The following SPHKAP variants were observed in gnomAD, a reference collection of about 807,000 sequenced individuals.
SPHKAP encodes the protein SPHK1 interactor, AKAP domain containing.
SPHKAP carries 67 observed loss-of-function variants against 137.5 expected under a neutral mutation model. The observed-to-expected ratio is 0.49, with a 90% confidence interval of 0.40 to 0.60. The LOEUF (loss-of-function observed/expected upper bound fraction) is 0.60. Among genes scored for constraint, SPHKAP ranks in the 20% least tolerant of loss-of-function variants. The pLI is 0.00. For synonymous variants in SPHKAP, 813 were observed against 785.3 expected (o/e 1.04, Z -0.59); for missense variants, 2,097 against 2,069.3 (o/e 1.01, Z -0.26).
chr2:228,093,826 C>CT (rs1697889959), intron 3 of SPHKAP, among the ~76,000 whole-genome samples: 1 of 128,988 alleles, frequency 7.8e-6, no homozygotes, highest in Non-Finnish European at 1.6e-5. Context: ...CTCCATTGCA[C>CT]TCCAGCCTGG....
Position 228,016,641 on chromosome 2 carries a change from T to A in SPHKAP, c.4213A>T (p.Thr1405Ser). 6.2e-7 allele frequency: 1 copy of A among 1,613,620 alleles called. No homozygotes were observed. The highest frequency in any genetic ancestry group is 8.5e-7 in the Non-Finnish European group (1 of 1,179,914). ...NHSPLDSKKETSSCQDPVPIN... is the reference protein window; with the variant it reads ...NHSPLDSKKESSSCQDPVPIN... ...GGTACAGGGTCCTGGCACGAGGAAG[T>A]TTCTTTTTTAGAATCTAAAGGGCTG... Residue 1405 changes from threonine (T) to serine (S), a missense_variant, in exon 7 of 12, where the codon ACT becomes TCT. By Grantham distance (58) the Thr-to-Ser change is moderately conservative. Coordinates refer to ENST00000392056, the MANE Select transcript of SPHKAP (RefSeq NM_001142644.2).
chr2:227,991,408 T>A (rs1693410500), intron 9 of SPHKAP, 82 bp from the exon 10 acceptor site: 1 of 1,607,688 alleles, frequency 6.2e-7, no homozygotes, highest in African/African-American at 1.3e-5. Context: ...TGGGTCTTAC[T>A]GATCTAAAAG....
intron 3 of SPHKAP, among the ~76,000 whole-genome samples, chr2:228,054,456 T>C (rs1696368087): frequency 6.6e-6 from 1 of 152,044 alleles, no homozygotes; most frequent in Non-Finnish European, 1.5e-5. Context: ...AATAGAAGTA[T>C]AGAATAACAT....
At chr2:228,123,314 C>T (rs1259984245) in intron 2 of SPHKAP, among the ~76,000 whole-genome samples, 2 of 152,188 alleles carry the variant, frequency 1.3e-5, no homozygotes, top group African/African-American at 4.8e-5. Flanking sequence ...TTTGCAAAAA[C>T]TGGCTAGGCC....
At chr2:228,170,733 T>C (rs1700561178) in intron 1 of SPHKAP, among the ~76,000 whole-genome samples, 1 of 152,118 alleles carries the variant, frequency 6.6e-6, no homozygotes, top group Non-Finnish European at 1.5e-5. Flanking sequence ...TTGAATCCCT[T>C]GGAAAACCAA....
intron 7 of SPHKAP, among the ~76,000 whole-genome samples, chr2:228,000,778 C>A (rs935042924): frequency 1.3e-5 from 2 of 152,036 alleles, no homozygotes; most frequent in Non-Finnish European, 2.9e-5. Flanking sequence ...CACAATTTAT[C>A]CATTTACCTA....
In SPHKAP at chr2:228,057,878, G is replaced by A. The variant is rs944887398; in HGVS notation, c.247-30335C>T. Among the ~76,000 whole-genome samples, 6 of 152,202 alleles carry A rather than the reference G, an allele frequency of 3.9e-5. No homozygotes were observed. In the East Asian group the frequency reaches 5.8e-4, roughly 15 times the overall value. The stretch of plus-strand genomic sequence containing the variant: ...AATGAGAAGAAAGGCCCCATCGGTC[G>A]GAAGCTCTTATTTGGTTTGGAGCTT... On this transcript the variant is annotated intron_variant, in intron 3 of 11. Coordinates refer to ENST00000392056, the MANE Select transcript of SPHKAP (RefSeq NM_001142644.2).
At chr2:228,002,303 C>T (rs1471441049) in intron 7 of SPHKAP, among the ~76,000 whole-genome samples, 2 of 152,184 alleles carry the variant, frequency 1.3e-5, no homozygotes, top group East Asian at 3.8e-4. Flanking sequence ...TTTTGATTTG[C>T]ATTTCTCTGA....
At chr2:228,125,948 C>T (rs562175576) in intron 2 of SPHKAP, among the ~76,000 whole-genome samples, 2 of 152,114 alleles carry the variant, frequency 1.3e-5, no homozygotes, top group East Asian at 1.9e-4. Context: ...GGTGTCATGG[C>T]GTCCACCTGT....
intron 3 of SPHKAP, among the ~76,000 whole-genome samples, chr2:228,060,234 C>CT (rs950616203): frequency 1.9e-4 from 29 of 152,030 alleles, no homozygotes; most frequent in African/African-American, 6.8e-4. Flanking sequence ...GAGTTCATGG[C>CT]TTTTTTGCTG....
chr2:228,089,986 A>G (rs1340016424), intron 3 of SPHKAP, among the ~76,000 whole-genome samples: 1 of 152,180 alleles, frequency 6.6e-6, no homozygotes, highest in Non-Finnish European at 1.5e-5. Context: ...GTGGGATTGA[A>G]GTCACCATAC....
chr2:228,120,545 C>T (rs192948218), intron 2 of SPHKAP, among the ~76,000 whole-genome samples: 4 of 152,278 alleles, frequency 2.6e-5, no homozygotes, highest in Middle Eastern at 3.4e-3. Flanking sequence ...CAAGAAATGA[C>T]CTGCATAGCT....
At chr2:228,033,950 T>A (rs896095786) in intron 3 of SPHKAP, among the ~76,000 whole-genome samples, 1 of 152,116 alleles carries the variant, frequency 6.6e-6, no homozygotes, top group African/African-American at 2.4e-5. Flanking sequence ...ATCGACACCC[T>A]AACGTCACAA....
intron 2 of SPHKAP, among the ~76,000 whole-genome samples, chr2:228,114,423 G>C (rs994553496): frequency 4.6e-4 from 70 of 152,260 alleles, no homozygotes; most frequent in African/African-American, 1.7e-3. Context: ...GGAGAAGACA[G>C]TGACTGGTGA....
intron 7 of SPHKAP, among the ~76,000 whole-genome samples, chr2:228,012,863 T>A (rs190033430): frequency 6.6e-6 from 1 of 152,348 alleles, no homozygotes; most frequent in Admixed American, 6.5e-5. Flanking sequence ...TCTCAACTTA[T>A]CAAGAAGTCC....
chr2:228,079,113 A>C (rs1697277866), intron 3 of SPHKAP, among the ~76,000 whole-genome samples: 1 of 152,152 alleles, frequency 6.6e-6, no homozygotes, highest in South Asian at 2.1e-4. Context: ...GGTGGGGCTT[A>C]GGGGTGTGGT....
chr2:228,050,859 T>A (rs1305814935), intron 3 of SPHKAP, among the ~76,000 whole-genome samples: 2 of 152,104 alleles, frequency 1.3e-5, no homozygotes, highest in African/African-American at 4.8e-5. Context: ...CAGGCTGGAG[T>A]GCTGTGGTAT....
chr2:228,159,087 T>C (rs1700197522), intron 1 of SPHKAP, among the ~76,000 whole-genome samples: 1 of 152,110 alleles, frequency 6.6e-6, no homozygotes. Flanking sequence ...GTCTGGACTG[T>C]AGGGTCCATC....
chr2:228,100,697 T>C (rs186823795), intron 3 of SPHKAP, among the ~76,000 whole-genome samples: 1 of 152,342 alleles, frequency 6.6e-6, no homozygotes, highest in Non-Finnish European at 1.5e-5. Context: ...AAAGCCTACT[T>C]GATAGTAGTG....
Sources: allele counts gnomAD v4.1 joint callset (sites outside exome capture counted in the v4.1 genomes callset), GRCh38; gene constraint gnomAD v4.1.1; transcripts MANE v1.5; gene names NCBI Gene and HGNC (gene_info 2026-07-23, HGNC 2026-07-21).